TTN: variants seen among roughly 807,000 people sequenced by gnomAD.
The protein encoded by TTN is connectin.
Under a neutral mutation model 3,223.0 loss-of-function variants are expected in TTN, and 1,525 were observed. That is an observed-to-expected ratio of 0.47 (90% CI 0.45 to 0.49). The LOEUF (loss-of-function observed/expected upper bound fraction) is 0.49. TTN is among the 20% of genes least tolerant of loss of function. The pLI is 0.00. For synonymous variants in TTN, 14,094 were observed against 15,161.0 expected (o/e 0.93, Z 5.17); for missense variants, 40,786 against 43,424.0 (o/e 0.94, Z 5.40).
chr2:178,564,979 GT>G lies in TTN; in HGVS notation c.81152del (p.Asn27051ThrfsTer31). On this transcript the variant is annotated frameshift_variant, in exon 326 of 363. Coordinates refer to ENST00000589042, the MANE Select transcript of TTN (RefSeq NM_001267550.2). LOFTEE classifies it high-confidence loss of function. ...CCAGTGGGGCACTTTTTCCATACCTGTTTTCAGCAAAAATTCTAAACTGGTA... is the reference window on the plus strand; with the variant it reads ...CCAGTGGGGCACTTTTTCCATACCTGTTTCAGCAAAAATTCTAAACTGGTA... ...TEYQFRIFAE[N>X]RYGKSAPLDS... 1 of 1,611,804 alleles carries G rather than the reference GT, an allele frequency of 6.2e-7. No homozygotes were observed.
In TTN at chr2:178,706,930, G is replaced by A. The variant is rs777878480; in HGVS notation, c.29066C>T (p.Thr9689Ile). The A allele has an allele frequency of 6.2e-7, 1 of 1,611,036 alleles. No individual in the cohort carries two copies. ...IKDKPAVAPA[T>I]KKAAVDGRLF... ...TCTTCCATCTACCGCAGCTTTCTTG[G>A]TTGCTGGGGCCACAGCTGGTTTGTC... Residue 9689 changes from threonine to isoleucine, a missense_variant, in exon 101 of 363, where the codon ACC becomes ATC. By Grantham distance (89) the Thr-to-Ile change is moderately conservative. Coordinates refer to ENST00000589042, the MANE Select transcript of TTN (RefSeq NM_001267550.2).
At position 178,560,728 on chromosome 2, in the gene TTN, G is replaced by A; in HGVS notation, c.85404C>T (p.Cys28468=). 6.2e-7 allele frequency: 1 copy of A among 1,613,686 alleles called. No individual in the cohort carries two copies. The highest frequency in any genetic ancestry group is 8.5e-7 in the Non-Finnish European group (1 of 1,179,798). ...LEINGLTAEK[C]SLSWGRPQED... is the part of the protein sequence containing the mutation. The stretch of plus-strand genomic sequence containing the variant: ...CTTGGGGACGTCCCCAGGAAAGAGA[G>A]CATTTCTCAGCAGTGAGGCCATTTA... Residue 28468 remains cysteine, a synonymous_variant, in exon 326 of 363, where the codon TGC becomes TGT. Transcript: ENST00000589042.
At chr2:178,800,825 C>T (rs959025603) in intron 3 of TTN, 143 bp from the exon 4 acceptor site, 3 of 868,466 alleles carry the variant, frequency 3.5e-6, no homozygotes, top group East Asian at 2.7e-5. Context: ...ACCCAGCTCA[C>T]CCAGCAATGA....
In TTN at chr2:178,717,081, A is replaced by C. The variant is rs776150554; in HGVS notation, c.25639+14T>G. On this transcript the variant is annotated intron_variant, in intron 88 of 362. Transcript: ENST00000589042. Reference sequence around the variant, plus strand: ...AATGTAAAAGAGATCTTGCTCCTTCACTCTAACAAGTACCTTGTACACCCA... The same window carrying C: ...AATGTAAAAGAGATCTTGCTCCTTCCCTCTAACAAGTACCTTGTACACCCA... 1 of 1,593,822 alleles carries C rather than the reference A, an allele frequency of 6.3e-7. No individual in the cohort carries two copies. Among genetic ancestry groups the C allele is most frequent in the Non-Finnish European group, 8.6e-7 (1 of 1,167,204 alleles).
In TTN at chr2:178,569,811, T is replaced by C. The variant is rs759489696; in HGVS notation, c.76321A>G (p.Ile25441Val). The change falls in exon 326 of 363, where the codon ATT (isoleucine) becomes GTT (valine). Residue 25441 changes from isoleucine (I) to valine (V), a missense_variant. Coordinates refer to ENST00000589042, the MANE Select transcript of TTN (RefSeq NM_001267550.2). ...ACACTCACATCACATTTTTCAACAA[T>C]GTATCCTTGAATTTCACAGCCACCA... ...YDGGCEIQGY[I>V]VEKCDVSVGE... 4.3e-6 allele frequency: 7 copies of C among 1,613,314 alleles called. No individual in the cohort carries two copies. The highest frequency in any genetic ancestry group is 2.2e-5 in the South Asian group (2 of 91,056).
chr2:178,674,062 G>C (rs1178317036), intron 151 of TTN, among the ~76,000 whole-genome samples: 5 of 151,728 alleles, frequency 3.3e-5, no homozygotes, highest in Non-Finnish European at 7.4e-5. Context: ...TATTATAGTA[G>C]GGCCTGGTCA....
chr2:178,774,270 C>A lies in TTN; in HGVS notation c.6994G>T (p.Asp2332Tyr), dbSNP rs771180382. The change falls in exon 30 of 363, where the codon GAC becomes TAC. Residue 2332 changes from aspartate to tyrosine, a missense_variant. Coordinates refer to ENST00000589042, the MANE Select transcript of TTN (RefSeq NM_001267550.2). ...ATGACAAAGCTGTATTCTCCCTGGT[C>A]CTCCTTGGTTACATCCTTGACCGTG... ...NLTVKDVTKE[D>Y]QGEYSFVIDG... is the part of the protein sequence containing the mutation. 6.2e-7 allele frequency: 1 copy of A among 1,614,038 alleles called. No homozygotes were observed. The highest frequency in any genetic ancestry group is 1.1e-5 in the South Asian group (1 of 91,068).
At chr2:178,758,696 T>G (rs1290496117) in intron 44 of TTN, 1 of 439,928 alleles carries the variant, frequency 2.3e-6, no homozygotes, top group Non-Finnish European at 4.2e-6. Context: ...TTTCGCCCCC[T>G]TCTGATTCAT....
chr2:178,672,644 G>C lies in TTN; in HGVS notation c.34846C>G (p.Pro11616Ala), dbSNP rs773767955. Residue 11616 changes from proline to alanine, a missense_variant, in exon 153 of 363, where the codon CCA becomes GCA. Physicochemically the swap from Pro to Ala is conservative, Grantham distance 27. Transcript: ENST00000589042. ...AAAAGAGAAGATGTACCTTTGGCTG[G>C]GGGTGCCTCTTTTTTCTGAACAGGA... The part of the protein sequence containing the change: ...PVPVQKKEAP[P>A]AKVPEVPKKV... The C allele has an allele frequency of 2.5e-6, 4 of 1,611,024 alleles. No homozygotes were observed. The highest frequency in any genetic ancestry group is 3.4e-6 in the Non-Finnish European group (4 of 1,178,268).
Position 178,577,676 on chromosome 2 carries a change from C to T in TTN, c.68750G>A (p.Arg22917Lys), listed in dbSNP as rs2046750925. Residue 22917 changes from arginine (R) to lysine (K), a missense_variant, in exon 323 of 363, where the codon AGA (arginine) becomes AAA (lysine). Physicochemically the swap from Arg to Lys is conservative, Grantham distance 26. Transcript: ENST00000589042. ...VEGGKYEFRI[R>K]AKNTAGAISA... ...GATAGCACCTGCTGTATTCTTTGCT[C>T]TAATTCTGAATTCATATTTTCCACC... The T allele has an allele frequency of 6.2e-7, 1 of 1,613,156 alleles. No individual in the cohort carries two copies. Among genetic ancestry groups the T allele is most frequent in the African/African-American group, 1.3e-5 (1 of 74,890 alleles).
rs1332571612 is a variant in TTN at position 178,533,969 on chromosome 2, C to T, written c.102646G>A (p.Gly34216Ser). ...AGCTCTGCATAAGAACTGTCTTCAC[C>T]ATAGTCATTGACTACTTTGCATCTG... is the stretch of plus-strand genomic sequence containing the variant. ...TYRCKVVNDY[G>S]EDSSYAELFV... The change falls in exon 358 of 363, where the codon GGT becomes AGT. Residue 34216 changes from glycine (G) to serine (S), a missense_variant. By Grantham distance (56) the Gly-to-Ser change is moderately conservative. Coordinates refer to ENST00000589042, the MANE Select transcript of TTN (RefSeq NM_001267550.2). The T allele has an allele frequency of 1.9e-6, 3 of 1,613,884 alleles. No individual in the cohort carries two copies. In the Admixed American group the frequency reaches 5.0e-5, roughly 27 times the overall value.
chr2:178,763,581 AAT>A (rs1447394360), intron 43 of TTN, among the ~76,000 whole-genome samples: 1 of 152,156 alleles, frequency 6.6e-6, no homozygotes, highest in Non-Finnish European at 1.5e-5. Context: ...AGCCTCATAA[AAT>A]ATATTTTCTA....
chr2:178,714,539 T>A lies in TTN; in HGVS notation c.26235A>T (p.Ile8745=). The change falls in exon 91 of 363, where the codon ATA becomes ATT. Residue 8745 remains isoleucine, a synonymous_variant. Coordinates refer to ENST00000589042, the MANE Select transcript of TTN (RefSeq NM_001267550.2). ...PPRFVKKLSD[I]STVVGKEVQL... ...GAACTTCTTTACCAACGACAGTAGA[T>A]ATGTCACTGAGCTTCTTCACAAATC... The A allele has an allele frequency of 1.2e-6, 2 of 1,611,776 alleles. No homozygotes were observed. The highest frequency in any genetic ancestry group is 1.7e-6 in the Non-Finnish European group (2 of 1,178,576).
At position 178,707,685 on chromosome 2, in the gene TTN, T is replaced by A. The variant is rs1286102161; in HGVS notation, c.28882A>T (p.Arg9628Trp). The A allele has an allele frequency of 6.2e-7, 1 of 1,613,854 alleles. No homozygotes were observed. The highest frequency in any genetic ancestry group is 1.3e-5 in the African/African-American group (1 of 74,942). The part of the protein sequence containing the change: ...PIRIQWLKAG[R>W]EIKPSDRCSF... ...CATCTGTCTGAAGGCTTTATTTCCCTGCCAGCCTTCAACCACTGGATCCTA... is the reference window on the plus strand; with the variant it reads ...CATCTGTCTGAAGGCTTTATTTCCCAGCCAGCCTTCAACCACTGGATCCTA... The change falls in exon 100 of 363, where the codon AGG (arginine) becomes TGG (tryptophan). Residue 9628 changes from arginine to tryptophan, a missense_variant. Coordinates refer to ENST00000589042, the MANE Select transcript of TTN (RefSeq NM_001267550.2).
In TTN at chr2:178,679,608, G is replaced by T; in HGVS notation, c.33655C>A (p.Pro11219Thr). The T allele has an allele frequency of 6.2e-7, 1 of 1,611,038 alleles. No individual in the cohort carries two copies. Among genetic ancestry groups the T allele is most frequent in the African/African-American group, 1.3e-5 (1 of 74,742 alleles). Residue 11219 changes from proline (P) to threonine (T), a missense_variant, in exon 141 of 363, where the codon CCG becomes ACG. Transcript: ENST00000589042. ...VPVPKKKEAP[P>T]AKVPEVPKKP... is the part of the protein sequence containing the mutation. Reference sequence around the variant, plus strand: ...ATGAATGGTGGTGTACCTTTTGCCGGTGGAGCTTCCTTCTTCTTGGGAACA... The same window carrying T: ...ATGAATGGTGGTGTACCTTTTGCCGTTGGAGCTTCCTTCTTCTTGGGAACA...
chr2:178,701,193 A>G lies in TTN; in HGVS notation c.30609T>C (p.Pro10203=), dbSNP rs1577654335. 6.2e-7 allele frequency: 1 copy of G among 1,608,476 alleles called. No homozygotes were observed. The highest frequency in any genetic ancestry group is 8.5e-7 in the Non-Finnish European group (1 of 1,178,382). ...IRAVPPEEIP[P]VVAPPIPLLL... Reference sequence around the variant, plus strand: ...AAAGGGGGATAGGAGGAGCAACCACAGGAGGGATTTCTGAAGAAAATAAAT... The same window carrying G: ...AAAGGGGGATAGGAGGAGCAACCACGGGAGGGATTTCTGAAGAAAATAAAT... The change falls in exon 111 of 363, where the codon CCT becomes CCC. Residue 10203 remains proline, a synonymous_variant. Transcript: ENST00000589042.
chr2:178,562,112 G>A lies in TTN; in HGVS notation c.84020C>T (p.Thr28007Ile). Residue 28007 changes from threonine to isoleucine, a missense_variant, in exon 326 of 363, where the codon ACT (threonine) becomes ATT (isoleucine). Transcript: ENST00000589042. ...RKDGQTLKET[T>I]RVNVSSSKTV... The stretch of plus-strand genomic sequence containing the variant: ...CTTTGAAGAAGAAACATTGACTCTA[G>A]TTGTCTCTTTAAGAGTCTGACCATC... 1.2e-6 allele frequency: 2 copies of A among 1,613,286 alleles called. No individual in the cohort carries two copies. Among genetic ancestry groups the A allele is most frequent in the Non-Finnish European group, 8.5e-7 (1 of 1,179,592 alleles).
chr2:178,528,064 T>C (rs1687261433), intron 361 of TTN: 1 of 585,232 alleles, frequency 1.7e-6, no homozygotes. Flanking sequence ...ACACGGCAGT[T>C]GGTAGCTTTA....
chr2:178,690,843 T>G (rs2072222829), intron 121 of TTN, among the ~76,000 whole-genome samples: 1 of 152,156 alleles, frequency 6.6e-6, no homozygotes, highest in Admixed American at 6.6e-5. Flanking sequence ...TATGAGTAAA[T>G]GAGAGATGCC....
Sources: gnomAD v4.1 joint callset for allele counts (sites outside exome capture counted in the v4.1 genomes callset) on GRCh38, gnomAD v4.1.1 for gene constraint, MANE v1.5 for transcripts, NCBI Gene and HGNC (gene_info 2026-07-23, HGNC 2026-07-21) for gene names.